The following CERS3 variants were observed in gnomAD, a reference collection of about 807,000 sequenced individuals.
CERS3 encodes the protein ceramide synthase 3.
CERS3 carries 33 observed loss-of-function variants against 50.3 expected under a neutral mutation model. The ratio of observed to expected loss-of-function variants is 0.66; its 90% CI spans 0.50 to 0.88. The LOEUF (loss-of-function observed/expected upper bound fraction) is 0.88, where lower values mean the gene tolerates loss of function less well. Ranked by LOEUF, CERS3 falls within the 40% of genes least tolerant of loss-of-function variation. CERS3 has a pLI of 0.00. For missense variants in CERS3, 470 were observed against 460.3 expected, an observed-to-expected ratio of 1.02 and a Z score of -0.19; for synonymous variants, 176 against 155.2, an observed-to-expected ratio of 1.13 and a Z score of -0.99.
intron 10 of CERS3, among the ~76,000 whole-genome samples, chr15:100,456,668 C>G (rs151012344): frequency 1.3e-5 from 2 of 152,238 alleles, no homozygotes; most frequent in African/African-American, 4.8e-5. Flanking sequence ...CCATATGGGC[C>G]GGGCATGGTG....
chr15:100,543,735 G>A (rs1324150456), intron 1 of CERS3, among the ~76,000 whole-genome samples: 2 of 152,044 alleles, frequency 1.3e-5, no homozygotes, highest in African/African-American at 4.8e-5. Context: ...TCACCATGTT[G>A]GCCAGGCTAG....
At chr15:100,507,752 A>T (rs1325563212) in intron 2 of CERS3, among the ~76,000 whole-genome samples, 2 of 152,260 alleles carry the variant, frequency 1.3e-5, no homozygotes, top group African/African-American at 4.8e-5. Flanking sequence ...AGATCTGGTC[A>T]TTCAGATGCT....
chr15:100,484,793 C>T (rs2035439334), intron 4 of CERS3, 125 bp from the exon 5 acceptor site: 2 of 701,258 alleles, frequency 2.9e-6, no homozygotes, highest in Non-Finnish European at 5.0e-6. Context: ...TGTCATGAGA[C>T]CTGGAGCCAG....
intron 1 of CERS3, among the ~76,000 whole-genome samples, chr15:100,542,430 C>A (rs1305793145): frequency 6.6e-6 from 1 of 152,204 alleles, no homozygotes; most frequent in Non-Finnish European, 1.5e-5. Context: ...CCATAATCGG[C>A]AACCGCCACA....
At chr15:100,508,619 C>T (rs755571252) in intron 2 of CERS3, among the ~76,000 whole-genome samples, 32 of 152,170 alleles carry the variant, frequency 2.1e-4, no homozygotes, top group South Asian at 6.2e-4. Context: ...ACTCACTTTT[C>T]GGTCAGTCTC....
At chr15:100,526,283 G>A (rs1329814230) in intron 1 of CERS3, among the ~76,000 whole-genome samples, 1 of 152,198 alleles carries the variant, frequency 6.6e-6, no homozygotes, top group African/African-American at 2.4e-5. Flanking sequence ...GTTGGGGAGG[G>A]CTTGGAAAGT....
chr15:100,435,632 T>G (rs1414972725), intron 11 of CERS3, among the ~76,000 whole-genome samples: 1 of 152,146 alleles, frequency 6.6e-6, no homozygotes, highest in Non-Finnish European at 1.5e-5. Flanking sequence ...TGGGATCTAA[T>G]TAAACTAAAG....
In CERS3 at chr15:100,424,823, T is replaced by C. The variant is rs139135428; in HGVS notation, c.1000-21958A>G. On this transcript the variant is annotated intron_variant, in intron 11 of 11. Transcript: ENST00000679737. ...CATGTGGTAGAAAAGAAAAACCCAC[T>C]TTCTGGGGAGGAATTCAAGCTGGCT... Among the ~76,000 whole-genome samples, 171 of 152,340 alleles carry C rather than the reference T, an allele frequency of 1.1e-3. 1 individual carries two copies. Among genetic ancestry groups the C allele is most frequent in the African/African-American group, 3.9e-3 (164 of 41,594 alleles).
intron 11 of CERS3, among the ~76,000 whole-genome samples, chr15:100,440,433 C>T (rs1215076655): frequency 6.6e-6 from 1 of 152,200 alleles, no homozygotes; most frequent in Non-Finnish European, 1.5e-5. Flanking sequence ...TCCTGCCCAC[C>T]AGAGAACAAA....
intron 11 of CERS3, among the ~76,000 whole-genome samples, chr15:100,414,512 T>C (rs939541285): frequency 1.3e-5 from 2 of 152,172 alleles, no homozygotes; most frequent in Non-Finnish European, 2.9e-5. Context: ...GGAATCATGC[T>C]ACCTGAGTTC....
intron 11 of CERS3, among the ~76,000 whole-genome samples, chr15:100,432,155 C>A (rs187604164): frequency 7.9e-5 from 12 of 151,902 alleles, no homozygotes; most frequent in African/African-American, 2.9e-4. Context: ...GAAGCCTTGA[C>A]TTCCTGAGCT....
At chr15:100,492,648 A>C (rs2035688496) in intron 3 of CERS3, among the ~76,000 whole-genome samples, 1 of 152,094 alleles carries the variant, frequency 6.6e-6, no homozygotes, top group Non-Finnish European at 1.5e-5. Context: ...GTGTTTTCCT[A>C]ACTATTTTAT....
At chr15:100,525,953 C>T (rs1437012427) in intron 1 of CERS3, among the ~76,000 whole-genome samples, 3 of 152,150 alleles carry the variant, frequency 2.0e-5, no homozygotes, top group South Asian at 2.1e-4. Context: ...ACCATAAACT[C>T]GGGCTGTATA....
chr15:100,449,366 G>C (rs751587075), intron 11 of CERS3, among the ~76,000 whole-genome samples: 21 of 152,198 alleles, frequency 1.4e-4, no homozygotes, highest in Non-Finnish European at 2.4e-4. Flanking sequence ...CCATGCCACA[G>C]CTTCTGCCTA....
At chr15:100,436,327 G>T (rs902479044) in intron 11 of CERS3, among the ~76,000 whole-genome samples, 1 of 152,164 alleles carries the variant, frequency 6.6e-6, no homozygotes, top group East Asian at 1.9e-4. Flanking sequence ...TTGCAGGAAC[G>T]TGGATGAAGC....
intron 11 of CERS3, among the ~76,000 whole-genome samples, chr15:100,435,647 T>C (rs2033366730): frequency 6.6e-6 from 1 of 152,164 alleles, no homozygotes; most frequent in South Asian, 2.1e-4. Context: ...CTAAAGAGCT[T>C]CTGCACAGCA....
intron 3 of CERS3, among the ~76,000 whole-genome samples, chr15:100,491,477 A>G (rs916549163): frequency 2.6e-5 from 4 of 152,202 alleles, no homozygotes; most frequent in African/African-American, 9.7e-5. Flanking sequence ...ATAATTTGTC[A>G]GAGTTCCAGT....
chr15:100,503,918 A>G, intron 2 of CERS3: 1 of 363,498 alleles, frequency 2.8e-6, no homozygotes, highest in Admixed American at 3.3e-5. Context: ...GGGAAGAAAG[A>G]AAACTCAAGG....
At chr15:100,543,706 T>A (rs1184977184) in intron 1 of CERS3, among the ~76,000 whole-genome samples, 1 of 152,070 alleles carries the variant, frequency 6.6e-6, no homozygotes, top group African/African-American at 2.4e-5. Context: ...ATTTTTGTAT[T>A]TTGAGTAGAG....
Sources: allele counts gnomAD v4.1 joint callset (sites outside exome capture counted in the v4.1 genomes callset), GRCh38; gene constraint gnomAD v4.1.1; transcripts MANE v1.5; gene names NCBI Gene and HGNC (gene_info 2026-07-23, HGNC 2026-07-21).